The following GLI2 variants were observed in gnomAD, a reference collection of about 807,000 sequenced individuals.
The protein encoded by GLI2 is GLI family zinc finger 2.
In GLI2, 22 loss-of-function variants were observed where a neutral mutation model predicts 78.9. The ratio of observed to expected loss-of-function variants is 0.28; its 90% CI spans 0.20 to 0.40. The LOEUF (loss-of-function observed/expected upper bound fraction) is 0.40, where lower values mean the gene tolerates loss of function less well. GLI2 is among the 10% of genes least tolerant of loss of function. The probability of loss-of-function intolerance (pLI) is 1.00; values close to 1 mark genes in which losing one functional copy is unlikely to be tolerated. For synonymous variants in GLI2, 974 were observed against 963.7 expected (o/e 1.01, Z -0.20); for missense variants, 2,097 against 2,213.2 (o/e 0.95, Z 1.05).
chr2:120,925,386 T>C (rs1679613811), intron 2 of GLI2, among the ~76,000 whole-genome samples: 2 of 152,234 alleles, frequency 1.3e-5, no homozygotes, highest in Non-Finnish European at 2.9e-5. Flanking sequence ...TTTCTTCCCA[T>C]TAAGAATCCA....
chr2:120,857,299 A>G (rs920350307), intron 2 of GLI2, among the ~76,000 whole-genome samples: 1 of 151,788 alleles, frequency 6.6e-6, no homozygotes, highest in Non-Finnish European at 1.5e-5. Flanking sequence ...CCACCTACCC[A>G]TCTGCCCATC....
At chr2:120,860,945 T>A (rs1300717937) in intron 2 of GLI2, among the ~76,000 whole-genome samples, 1 of 152,162 alleles carries the variant, frequency 6.6e-6, no homozygotes, top group Non-Finnish European at 1.5e-5. Context: ...AGAGATCCGT[T>A]ATGGCCAGCA....
intron 1 of GLI2, among the ~76,000 whole-genome samples, chr2:120,776,042 G>T (rs552222113): frequency 6.6e-6 from 1 of 152,352 alleles, no homozygotes; most frequent in East Asian, 1.9e-4. Context: ...AGCAAGGCAG[G>T]GCCCCAGCTA....
At chr2:120,881,055 A>G (rs138872951) in intron 2 of GLI2, among the ~76,000 whole-genome samples, 1 of 152,348 alleles carries the variant, frequency 6.6e-6, no homozygotes, top group African/African-American at 2.4e-5. Flanking sequence ...GGGGCAAGTC[A>G]CTAACCTTAT....
At chr2:120,808,397 C>T (rs568731959) in intron 2 of GLI2, among the ~76,000 whole-genome samples, 29 of 152,310 alleles carry the variant, frequency 1.9e-4, no homozygotes, top group Non-Finnish European at 3.5e-4. Flanking sequence ...GTCCATCATC[C>T]TCCTGTGACC....
chr2:120,938,435 T>G (rs895552), intron 3 of GLI2, among the ~76,000 whole-genome samples: 127,277 of 152,134 alleles, frequency 0.84, 57,342 homozygotes, highest in East Asian at 1. Flanking sequence ...ATGAATCAAC[T>G]GTTGTGGACC....
intron 2 of GLI2, among the ~76,000 whole-genome samples, chr2:120,902,073 G>A (rs1001194622): frequency 7.9e-5 from 12 of 151,750 alleles, no homozygotes; most frequent in African/African-American, 2.2e-4. Context: ...CTGGTTCTAC[G>A]CATCTCTCCC....
chr2:120,833,165 C>T (rs1686447023), intron 2 of GLI2, among the ~76,000 whole-genome samples: 1 of 152,040 alleles, frequency 6.6e-6, no homozygotes, highest in Admixed American at 6.5e-5. Context: ...TTTCCTTTCC[C>T]TGTCCTAGCT....
At chr2:120,887,437 G>A (rs568798746) in intron 2 of GLI2, among the ~76,000 whole-genome samples, 2 of 152,332 alleles carry the variant, frequency 1.3e-5, no homozygotes, top group South Asian at 4.1e-4. Context: ...TTTCCAAAAG[G>A]CTTGTAATCA....
At chr2:120,936,071 G>A (rs1041196440) in intron 3 of GLI2, among the ~76,000 whole-genome samples, 2 of 152,052 alleles carry the variant, frequency 1.3e-5, no homozygotes, top group African/African-American at 4.8e-5. Context: ...TGTCCCTCGG[G>A]GTCCCCACTG....
chr2:120,774,272 T>C (rs1683614775), intron 1 of GLI2, among the ~76,000 whole-genome samples: 1 of 152,200 alleles, frequency 6.6e-6, no homozygotes, highest in Non-Finnish European at 1.5e-5. Context: ...ATCCCCTCCC[T>C]GCTGTTTTTG....
At chr2:120,773,608 G>A (rs766471409) in intron 1 of GLI2, among the ~76,000 whole-genome samples, 3 of 152,210 alleles carry the variant, frequency 2.0e-5, no homozygotes, top group Non-Finnish European at 2.9e-5. Flanking sequence ...CGTCTGTTGC[G>A]TGCTTGGGTA....
chr2:120,966,497 C>T (rs913444747), intron 5 of GLI2, among the ~76,000 whole-genome samples: 23 of 152,204 alleles, frequency 1.5e-4, no homozygotes, highest in African/African-American at 4.3e-4. Flanking sequence ...AGACTCCCCT[C>T]ATCCCATGAA....
At position 120,744,125 on chromosome 2, in the gene GLI2, C is replaced by T. The variant is rs186135376; in HGVS notation, c.-31+7840C>T. Among the ~76,000 whole-genome samples, 6 of 152,310 alleles carry T rather than the reference C, an allele frequency of 3.9e-5. No individual in the cohort carries two copies. The South Asian group carries it at 6.2e-4, about 16-fold the overall frequency. On this transcript the variant is annotated intron_variant, in intron 1 of 13. Transcript: ENST00000361492. ...AAGATCAGTGAAGGAAGGGCTGACACATAAATTTGTCTTGGATCTCTGAAG... is the reference window on the plus strand; with the variant it reads ...AAGATCAGTGAAGGAAGGGCTGACATATAAATTTGTCTTGGATCTCTGAAG...
At chr2:120,792,994 G>A (rs192624166) in intron 1 of GLI2, among the ~76,000 whole-genome samples, 107 of 152,334 alleles carry the variant, frequency 7.0e-4, no homozygotes, top group African/African-American at 2.3e-3. Context: ...ACCTGCTTCT[G>A]TATCAGAAAG....
intron 1 of GLI2, among the ~76,000 whole-genome samples, chr2:120,756,469 TTAC>T (rs1184236752): frequency 6.6e-6 from 1 of 152,222 alleles, no homozygotes; most frequent in African/African-American, 2.4e-5. Flanking sequence ...ACAGATAGTT[TTAC>T]TTCTTCCTTT....
At chr2:120,759,874 GAC>G (rs1683163033) in intron 1 of GLI2, among the ~76,000 whole-genome samples, 1 of 152,194 alleles carries the variant, frequency 6.6e-6, no homozygotes, top group Non-Finnish European at 1.5e-5. Context: ...CATACAAAAA[GAC>G]ACCCATTTCT....
At chr2:120,874,998 G>A (rs6757366) in intron 2 of GLI2, among the ~76,000 whole-genome samples, 5,295 of 152,236 alleles carry the variant, frequency 0.035, 310 homozygotes, top group African/African-American at 0.12. Flanking sequence ...TGAAACACTC[G>A]GCTCCTGGAG....
At chr2:120,889,536 G>A (rs1192554585) in intron 2 of GLI2, among the ~76,000 whole-genome samples, 4 of 152,196 alleles carry the variant, frequency 2.6e-5, no homozygotes, top group Non-Finnish European at 5.9e-5. Flanking sequence ...CCTGTTGAGA[G>A]GGTGAAGAGA....
Sources: gnomAD v4.1 joint callset for allele counts (sites outside exome capture counted in the v4.1 genomes callset) on GRCh38, gnomAD v4.1.1 for gene constraint, MANE v1.5 for transcripts, NCBI Gene and HGNC (gene_info 2026-07-23, HGNC 2026-07-21) for gene names.